The following MFSD2B variants were observed in gnomAD, a reference collection of about 807,000 sequenced individuals.
MFSD2B encodes the protein sphingosine-1-phosphate transporter MFSD2B.
In MFSD2B, 56 loss-of-function variants were observed where a neutral mutation model predicts 58.4. The observed-to-expected ratio is 0.96, with a 90% CI of 0.77 to 1.20. The LOEUF is 1.20. Ranked by LOEUF, MFSD2B falls within the 50% of genes most tolerant of loss-of-function variation. The pLI is 0.00. For missense variants in MFSD2B, 645 were observed against 667.6 expected (o/e 0.97, Z 0.37); for synonymous variants, 287 against 294.4 (o/e 0.97, Z 0.26).
chr2:24,023,113 T>C lies in MFSD2B; in HGVS notation c.1060-17T>C. On this transcript the variant is annotated splice_polypyrimidine_tract_variant and intron_variant, in intron 10 of 13. Transcript: ENST00000338315. The surrounding 1 kb of genome is among the most constrained non-coding windows in gnomAD (Gnocchi z 5.0). Reference sequence around the variant, plus strand: ...AAGAAGCAGGTGGCGGGACAGCTGGTGTGTGTGTCTCCCCAGGCGATGGTG... The same window carrying C: ...AAGAAGCAGGTGGCGGGACAGCTGGCGTGTGTGTCTCCCCAGGCGATGGTG... The C allele has an allele frequency of 6.3e-7, 1 of 1,593,060 alleles. No individual in the cohort carries two copies. Among genetic ancestry groups the C allele is most frequent in the Non-Finnish European group, 8.6e-7 (1 of 1,164,320 alleles).
chr2:24,018,943 C>A (rs1174477138), intron 6 of MFSD2B, among the ~76,000 whole-genome samples: 4 of 151,614 alleles, frequency 2.6e-5, no homozygotes, highest in Non-Finnish European at 4.4e-5. Context: ...CTCCGTCTCC[C>A]GGATTCAGGC....
chr2:24,016,024 G>GGAGC (rs1412379924), intron 2 of MFSD2B, 132 bp from the exon 3 acceptor site: 15 of 1,132,222 alleles, frequency 1.3e-5, no homozygotes, highest in Non-Finnish European at 1.8e-5. Flanking sequence ...GGAAGGCTGA[G>GGAGC]GAGCCCTTGA....
chr2:24,023,516 C>T lies in MFSD2B; in HGVS notation c.1170-67C>T, dbSNP rs1662874344. On this transcript the variant is annotated intron_variant, in intron 11 of 13. Coordinates refer to ENST00000338315, the MANE Select transcript of MFSD2B (RefSeq NM_001346880.2). This position sits in a 1 kb window ranked among gnomAD's most constrained non-coding sequence, Gnocchi z 5.0. ...GGATGAATCCACTTTGGCCTCCGTC[C>T]CCAGAGAATTCACAGGCTGCTGGTG... 2 of 1,542,464 alleles carry T rather than the reference C, an allele frequency of 1.3e-6. No individual in the cohort carries two copies. Among genetic ancestry groups the T allele is most frequent in the African/African-American group, 1.4e-5 (1 of 73,406 alleles).
In MFSD2B at chr2:24,012,244, G is replaced by C. The variant is rs925439994; in HGVS notation, c.97-1041G>C. Among the ~76,000 whole-genome samples, 1 of 151,704 alleles carries C rather than the reference G, an allele frequency of 6.6e-6. No homozygotes were observed. The highest frequency in any genetic ancestry group is 2.4e-5 in the African/African-American group (1 of 41,296). On this transcript the variant is annotated intron_variant, in intron 1 of 13. Coordinates refer to ENST00000338315, the MANE Select transcript of MFSD2B (RefSeq NM_001346880.2). This position sits in a 1 kb window ranked among gnomAD's most constrained non-coding sequence, Gnocchi z 4.5. ...AGAGTTTTAATCAGAGAGGAGATGG[G>C]ATCTGATTATTTATTTATTTATTTA...
Position 24,013,411 on chromosome 2 carries a change from G to GT in MFSD2B, c.222+2dup. ...GCTTTTCCTGCTTGATATAGCACAGGTAAGTGTGGGCAGTAGCCCAGTCTC... is the reference window on the plus strand; with the variant it reads ...GCTTTTCCTGCTTGATATAGCACAGGTTAAGTGTGGGCAGTAGCCCAGTCTC... On this transcript the variant is annotated splice_donor_variant, in intron 2 of 13. Transcript: ENST00000338315. LOFTEE classifies it high-confidence loss of function. 6.2e-7 allele frequency: 1 copy of GT among 1,600,852 alleles called. No homozygotes were observed.
At position 24,022,381 on chromosome 2, in the gene MFSD2B, T is replaced by G; in HGVS notation, c.895-52T>G. The G allele has an allele frequency of 6.8e-7, 1 of 1,475,712 alleles. No individual in the cohort carries two copies. The highest frequency in any genetic ancestry group is 9.4e-7 in the Non-Finnish European group (1 of 1,065,792). 91.4% of individuals were successfully genotyped at this position (1,475,712 alleles called of 1,614,324 possible). A position where few individuals can be genotyped will look rare whatever the true frequency, so the allele number is the denominator to read the frequency against. On this transcript the variant is annotated intron_variant, in intron 8 of 13. Transcript: ENST00000338315. This position sits in a 1 kb window ranked among gnomAD's most constrained non-coding sequence, Gnocchi z 4.5. ...CCAGACCCTGTCCTTGCCCTTGACT[T>G]CTGAGCTCCTGCCATGCCCTGCACA...
chr2:24,022,714 C>T lies in MFSD2B; in HGVS notation c.979-108C>T. The T allele has an allele frequency of 1.1e-6, 1 of 935,578 alleles. No homozygotes were observed. 58.0% of individuals were successfully genotyped at this position (935,578 alleles called of 1,614,324 possible). Reference sequence around the variant, plus strand: ...AACATTCATAGCCACCGGTTTGAACCAGGGGCAAGGCCAAGGTCAGGCATC... The same window carrying T: ...AACATTCATAGCCACCGGTTTGAACTAGGGGCAAGGCCAAGGTCAGGCATC... On this transcript the variant is annotated intron_variant, in intron 9 of 13. Transcript: ENST00000338315. The surrounding 1 kb of genome is among the most constrained non-coding windows in gnomAD (Gnocchi z 4.5).
rs1484240238 is a variant in MFSD2B at position 24,010,146 on chromosome 2, C to G, written c.50C>G (p.Pro17Arg). Residue 17 changes from proline to arginine, a missense_variant, in exon 1 of 14, where the codon CCG becomes CGG. Transcript: ENST00000338315. The stretch of plus-strand genomic sequence containing the variant: ...GCCAAGGGGTCCCCGCAGCCGGAGC[C>G]GCACGCCCCAGAGCCCGGCCCGGGG... ...PAAKGSPQPE[P>R]HAPEPGPGSA... The G allele has an allele frequency of 6.8e-7, 1 of 1,463,782 alleles. No homozygotes were observed. Among genetic ancestry groups the G allele is most frequent in the Admixed American group, 2.4e-5 (1 of 41,906 alleles). 90.7% of individuals were successfully genotyped at this position (1,463,782 alleles called of 1,614,324 possible).
At position 24,024,827 on chromosome 2, in the gene MFSD2B, C is replaced by T. The variant is rs776707453; in HGVS notation, c.1490+556C>T. Among the ~76,000 whole-genome samples, 1 of 152,170 alleles carries T rather than the reference C, an allele frequency of 6.6e-6. No homozygotes were observed. Among genetic ancestry groups the T allele is most frequent in the Admixed American group, 6.5e-5 (1 of 15,280 alleles). On this transcript the variant is annotated intron_variant, in intron 13 of 13. Coordinates refer to ENST00000338315, the MANE Select transcript of MFSD2B (RefSeq NM_001346880.2). The surrounding 1 kb of genome is among the most constrained non-coding windows in gnomAD (Gnocchi z 4.3). Reference sequence around the variant, plus strand: ...AGGAGTCTTCTGCTCTTCCCTCCCACGGGCAATACTGAGCAGGTCTCTGAC... The same window carrying T: ...AGGAGTCTTCTGCTCTTCCCTCCCATGGGCAATACTGAGCAGGTCTCTGAC...
intron 6 of MFSD2B, among the ~76,000 whole-genome samples, chr2:24,019,098 G>A (rs545970758): frequency 1.5e-4 from 23 of 152,154 alleles, no homozygotes; most frequent in South Asian, 4.2e-4. Flanking sequence ...TAATCCGCCC[G>A]CCTCAGCCTC....
At chr2:24,013,215 G>A in intron 1 of MFSD2B, 70 bp from the exon 2 acceptor site, 2 of 1,455,600 alleles carry the variant, frequency 1.4e-6, no homozygotes, top group Non-Finnish European at 1.8e-6. Context: ...GATGTTTACT[G>A]AAGTCATGGG....
At chr2:24,015,596 G>A (rs921512055) in intron 2 of MFSD2B, among the ~76,000 whole-genome samples, 20 of 152,224 alleles carry the variant, frequency 1.3e-4, no homozygotes, top group Admixed American at 5.9e-4. Context: ...AACGATTCTG[G>A]CAGTTGTCTT....
chr2:24,012,358 T>C lies in MFSD2B; in HGVS notation c.97-927T>C, dbSNP rs1042531087. Reference sequence around the variant, plus strand: ...GCCTCCCTGGTTCAAGCAATTCTCTTGCCTCAGCCTCCTGAGTAGCTGGGA... The same window carrying C: ...GCCTCCCTGGTTCAAGCAATTCTCTCGCCTCAGCCTCCTGAGTAGCTGGGA... On this transcript the variant is annotated intron_variant, in intron 1 of 13. Transcript: ENST00000338315. The surrounding 1 kb of genome is among the most constrained non-coding windows in gnomAD (Gnocchi z 4.5). Among the ~76,000 whole-genome samples the C allele has an allele frequency of 6.6e-6, 1 of 152,166 alleles. No individual in the cohort carries two copies. The highest frequency in any genetic ancestry group is 1.5e-5 in the Non-Finnish European group (1 of 68,026).
At position 24,025,545 on chromosome 2, in the gene MFSD2B, G is replaced by A. The variant is rs1382594208; in HGVS notation, c.*89G>A. ...CCTCAGCCCTCCAGCACCTGGTCTG[G>A]CAGTTTAGTATGTGACCTTTCTCCC... On this transcript the variant is annotated 3_prime_UTR_variant, in exon 14 of 14. Coordinates refer to ENST00000338315, the MANE Select transcript of MFSD2B (RefSeq NM_001346880.2). 1.6e-6 allele frequency: 2 copies of A among 1,225,546 alleles called. No homozygotes were observed. Among genetic ancestry groups the A allele is most frequent in the East Asian group, 2.5e-5 (1 of 39,436 alleles). 75.9% of individuals were successfully genotyped at this position (1,225,546 alleles called of 1,614,324 possible).
Position 24,021,343 on chromosome 2 carries a change from G to C in MFSD2B, c.682-305G>C, listed in dbSNP as rs907078246. On this transcript the variant is annotated intron_variant, in intron 6 of 13. Transcript: ENST00000338315. This position sits in a 1 kb window ranked among gnomAD's most constrained non-coding sequence, Gnocchi z 5.7. ...ATTGGAGCCTCAGGGCCTGGCATGC[G>C]GAAGGCAGCAGCAGTCAATGTTTGC... 3.3e-5 allele frequency among the ~76,000 whole-genome samples: 5 copies of C among 152,214 alleles called. No individual in the cohort carries two copies. The highest frequency in any genetic ancestry group is 9.7e-5 in the African/African-American group (4 of 41,448).
Position 24,020,789 on chromosome 2 carries a change from A to G in MFSD2B, c.682-859A>G, listed in dbSNP as rs1573642028. On this transcript the variant is annotated intron_variant, in intron 6 of 13. Coordinates refer to ENST00000338315, the MANE Select transcript of MFSD2B (RefSeq NM_001346880.2). The surrounding 1 kb of genome is among the most constrained non-coding windows in gnomAD (Gnocchi z 4.1). ...GCCATGTTGCCCAGGCTGGTCTTGA[A>G]CTCCTGGGTTCAAGGGATCCACCTG... Among the ~76,000 whole-genome samples, 1 of 151,378 alleles carries G rather than the reference A, an allele frequency of 6.6e-6. No individual in the cohort carries two copies. The highest frequency in any genetic ancestry group is 2.4e-5 in the African/African-American group (1 of 41,146).
rs928166489 is a variant in MFSD2B at position 24,026,553 on chromosome 2, T to G, written c.*1097T>G. 1.3e-5 allele frequency: 2 copies of G among 152,216 alleles called. No individual in the cohort carries two copies. The highest frequency in any genetic ancestry group is 2.9e-5 in the Non-Finnish European group (2 of 68,038). The allele number at this position is 152,216 out of a possible 1,614,324, so 9.4% of individuals were successfully genotyped here. A position where few individuals can be genotyped will look rare whatever the true frequency, so the allele number is the denominator to read the frequency against. On this transcript the variant is annotated 3_prime_UTR_variant, in exon 14 of 14. Coordinates refer to ENST00000338315, the MANE Select transcript of MFSD2B (RefSeq NM_001346880.2). ...CAGGGGCTGAAGACTGAGCTCATCATCAATGATTTAATCAATTGTGCCCAT... is the reference window on the plus strand; with the variant it reads ...CAGGGGCTGAAGACTGAGCTCATCAGCAATGATTTAATCAATTGTGCCCAT...
Position 24,022,780 on chromosome 2 carries a change from C to A in MFSD2B, c.979-42C>A. ...GGCCTTGGGGTCCCAGGCAAAGGCG[C>A]TGGCAGCACGGCCCTGGCGTGACGA... On this transcript the variant is annotated intron_variant, in intron 9 of 13. Transcript: ENST00000338315. This position sits in a 1 kb window ranked among gnomAD's most constrained non-coding sequence, Gnocchi z 4.5. 2 of 1,446,460 alleles carry A rather than the reference C, an allele frequency of 1.4e-6. No homozygotes were observed. The highest frequency in any genetic ancestry group is 1.8e-6 in the Non-Finnish European group (2 of 1,082,976). 89.6% of individuals were successfully genotyped at this position (1,446,460 alleles called of 1,614,324 possible).
rs760583595 is a variant in MFSD2B, at chr2:24,013,374, C to G, written c.186C>G (p.Ala62=). Residue 62 remains alanine, a synonymous_variant, in exon 2 of 14, where the codon GCC becomes GCG. Coordinates refer to ENST00000338315, the MANE Select transcript of MFSD2B (RefSeq NM_001346880.2). ...VPNQIASSAT[A]FYLQLFLLDI... ...ACCAGATAGCCTCCAGCGCCACAGC[C>G]TTTTACCTGCAGCTTTTCCTGCTTG... The G allele has an allele frequency of 6.2e-7, 1 of 1,610,382 alleles. No homozygotes were observed. The highest frequency in any genetic ancestry group is 1.7e-5 in the Admixed American group (1 of 59,674).
Sources: gnomAD v4.1 joint callset for allele counts (sites outside exome capture counted in the v4.1 genomes callset) on GRCh38, gnomAD v4.1.1 for gene constraint, Gnocchi (gnomAD v3.1) non-coding constraint, MANE v1.5 for transcripts, NCBI Gene and HGNC (gene_info 2026-07-23, HGNC 2026-07-21) for gene names.